The following FCRL6 variants were observed in gnomAD, a reference collection of about 807,000 sequenced individuals.
FCRL6 encodes Fc receptor-like protein 6.
Under a neutral mutation model 49.1 loss-of-function variants are expected in FCRL6, and 50 were observed. The ratio of observed to expected loss-of-function variants is 1.02; its 90% CI spans 0.81 to 1.29. The LOEUF is 1.29. Ranked by LOEUF, FCRL6 falls within the 50% of genes most tolerant of loss-of-function variation. The pLI, the probability that FCRL6 is intolerant of heterozygous loss-of-function variation, is 0.00. For synonymous variants in FCRL6, 213 were observed against 199.6 expected, an observed-to-expected ratio of 1.07 and a Z score of -0.57; for missense variants, 571 against 518.5, an observed-to-expected ratio of 1.10 and a Z score of -0.98.
At chr1:159,802,872 A>G (rs980420235) in intron 1 of FCRL6, among the ~76,000 whole-genome samples, 1 of 152,162 alleles carries the variant, frequency 6.6e-6, no homozygotes, top group African/African-American at 2.4e-5. Flanking sequence ...ATGAGGGGAA[A>G]CAGTCCCAGG....
intron 2 of FCRL6, among the ~76,000 whole-genome samples, chr1:159,806,822 G>T (rs1662723020): frequency 6.6e-6 from 1 of 152,264 alleles, no homozygotes; most frequent in African/African-American, 2.4e-5. Flanking sequence ...TAGTCCTAGG[G>T]TGACACAAGC....
At chr1:159,813,358 C>T (rs55650803) in intron 6 of FCRL6, 131 bp from the exon 7 acceptor site, 144,104 of 723,588 alleles carry the variant, frequency 0.2, 15,909 homozygotes, top group African/African-American at 0.37. Flanking sequence ...GACCTGTGAA[C>T]TAGCCCTCCT....
At chr1:159,810,336 G>A (rs958500112) in intron 6 of FCRL6, 120 bp downstream of exon 6, 53 of 1,249,258 alleles carry the variant, frequency 4.2e-5, no homozygotes, top group African/African-American at 2.0e-4. Context: ...TGGAGTGGCA[G>A]GGGGGACTTC....
intron 6 of FCRL6, among the ~76,000 whole-genome samples, chr1:159,812,803 G>A (rs563235037): frequency 2.0e-5 from 3 of 152,310 alleles, no homozygotes; most frequent in South Asian, 4.1e-4. Context: ...TGAACCAAGT[G>A]TTCTAAAATC....
At chr1:159,809,852 G>A (rs1223883888) in intron 5 of FCRL6, among the ~76,000 whole-genome samples, 169 bp downstream of exon 5, 2 of 152,108 alleles carry the variant, frequency 1.3e-5, no homozygotes, top group African/African-American at 2.4e-5. Flanking sequence ...GCCTGGCAGA[G>A]AAATATTGAA....
chr1:159,808,119 G>C, intron 2 of FCRL6, 59 bp from the exon 3 acceptor site: 1 of 1,558,968 alleles, frequency 6.4e-7, no homozygotes, highest in African/African-American at 1.4e-5. Context: ...GGGACAGAGG[G>C]AGAGAAGTGA....
chr1:159,807,215 G>C (rs1662751186), intron 2 of FCRL6, among the ~76,000 whole-genome samples: 2 of 152,250 alleles, frequency 1.3e-5, no homozygotes, highest in South Asian at 4.1e-4. Context: ...CGGTAATGCG[G>C]TGAGCATCGT....
rs1662963042 is a variant in FCRL6, at chr1:159,809,564, G to C, written c.767G>C (p.Gly256Ala). 1 of 1,614,096 alleles carries C rather than the reference G, an allele frequency of 6.2e-7. No individual in the cohort carries two copies. The highest frequency in any genetic ancestry group is 1.7e-5 in the Admixed American group (1 of 60,014). The change falls in exon 5 of 10, where the codon GGT (glycine) becomes GCT (alanine). Residue 256 changes from glycine (G) to alanine (A), a missense_variant. Transcript: ENST00000368106. ...GTGGGGAACCACTCAGCTCCCTGTG[G>C]TGGAACCACCTCCCTCCTCTTCCCA... is the stretch of plus-strand genomic sequence containing the variant. Reference protein sequence around the residue: ...KIVGNHSAPCGGTTSLLFPVK... With the variant: ...KIVGNHSAPCAGTTSLLFPVK...
chr1:159,815,728 G>C lies in FCRL6; in HGVS notation c.*67G>C, dbSNP rs61823164. The C allele has an allele frequency of 0.12, 186,783 of 1,581,630 alleles. 12,268 individuals carry two copies. The highest frequency in any genetic ancestry group is 0.14 in the Non-Finnish European group (157,288 of 1,158,288). ...CAGTGCTCCTCAGGAAGACAGTGGG[G>C]TCCTCAACTCTTTCTGTGGGTCCTT... On this transcript the variant is annotated 3_prime_UTR_variant, in exon 10 of 10. Transcript: ENST00000368106.
At chr1:159,810,778 T>C (rs1663046104) in intron 6 of FCRL6, among the ~76,000 whole-genome samples, 1 of 152,212 alleles carries the variant, frequency 6.6e-6, no homozygotes, top group African/African-American at 2.4e-5. Context: ...GACTGAGCAA[T>C]GGCCTGTTCC....
At chr1:159,809,310 G>A in intron 4 of FCRL6, 65 bp downstream of exon 4, 1 of 1,527,590 alleles carries the variant, frequency 6.5e-7, no homozygotes, top group South Asian at 1.3e-5. Context: ...GATCCCCTGG[G>A]ACTAAAGGAG....
intron 6 of FCRL6, among the ~76,000 whole-genome samples, chr1:159,811,553 T>G (rs1295213791): frequency 6.6e-6 from 1 of 152,214 alleles, no homozygotes; most frequent in African/African-American, 2.4e-5. Flanking sequence ...TGAAAAGGTC[T>G]CTTCCCACCC....
At chr1:159,813,377 C>T (rs913480894) in intron 6 of FCRL6, 112 bp from the exon 7 acceptor site, 17 of 903,200 alleles carry the variant, frequency 1.9e-5, no homozygotes, top group Admixed American at 5.5e-5. Context: ...CTAACCAAAC[C>T]AGCCTCAAAC....
In FCRL6 at chr1:159,815,589, A is replaced by C; in HGVS notation, c.1233A>C (p.Ser411=). Residue 411 remains serine (S), a synonymous_variant, in exon 10 of 10, where the codon TCA becomes TCC. Transcript: ENST00000368106. ...EVRCLQPSEV[S]STEVNMRSRT... is the part of the protein sequence containing the mutation. Reference sequence around the variant, plus strand: ...GATGCCTGCAGCCCAGTGAGGTTTCATCCACGGAGGTGAATATGAGAAGCA... The same window carrying C: ...GATGCCTGCAGCCCAGTGAGGTTTCCTCCACGGAGGTGAATATGAGAAGCA... 1 of 1,614,172 alleles carries C rather than the reference A, an allele frequency of 6.2e-7. No homozygotes were observed.
At chr1:159,812,567 T>G (rs1663151154) in intron 6 of FCRL6, among the ~76,000 whole-genome samples, 1 of 152,214 alleles carries the variant, frequency 6.6e-6, no homozygotes, top group Non-Finnish European at 1.5e-5. Flanking sequence ...AAAACAAAGT[T>G]CTGTCAAACT....
At chr1:159,803,753 G>A (rs1450606956) in intron 1 of FCRL6, among the ~76,000 whole-genome samples, 1 of 152,184 alleles carries the variant, frequency 6.6e-6, no homozygotes, top group African/African-American at 2.4e-5. Context: ...TCAGTGACCG[G>A]CTGACTGGTG....
At chr1:159,806,942 G>A (rs1286442993) in intron 2 of FCRL6, among the ~76,000 whole-genome samples, 1 of 152,258 alleles carries the variant, frequency 6.6e-6, no homozygotes, top group South Asian at 2.1e-4. Context: ...CAACAAGACT[G>A]GGACTCCCTT....
Position 159,809,629 on chromosome 1 carries a change from G to T in FCRL6, c.832G>T (p.Ala278Ser). The T allele has an allele frequency of 6.2e-7, 1 of 1,614,144 alleles. No homozygotes were observed. The highest frequency in any genetic ancestry group is 8.5e-7 in the Non-Finnish European group (1 of 1,180,018). The stretch of plus-strand genomic sequence containing the variant: ...GGATGCTGGGAACTACTCCTGCGAG[G>T]CTGAGAACAGTGTCTCCAGAGAGAG... ...EQDAGNYSCE[A>S]ENSVSRERSE... Residue 278 changes from alanine (A) to serine (S), a missense_variant, in exon 5 of 10, where the codon GCT (alanine) becomes TCT (serine). Physicochemically the swap from Ala to Ser is moderately conservative, Grantham distance 99. Transcript: ENST00000368106.
At position 159,813,571 on chromosome 1, in the gene FCRL6, G is replaced by T. The variant is rs368315973; in HGVS notation, c.1075+17G>T. 1.2e-6 allele frequency: 2 copies of T among 1,612,226 alleles called. No individual in the cohort carries two copies. The highest frequency in any genetic ancestry group is 4.5e-5 in the East Asian group (2 of 44,874). ...ATGCCAACGGTAAGGACTTCCAGCA[G>T]GATGGTGGTGTGCCCATGTGGGCCA... On this transcript the variant is annotated intron_variant, in intron 7 of 9. Coordinates refer to ENST00000368106, the MANE Select transcript of FCRL6 (RefSeq NM_001004310.3).
Sources: allele counts gnomAD v4.1 joint callset (sites outside exome capture counted in the v4.1 genomes callset), GRCh38; gene constraint gnomAD v4.1.1; transcripts MANE v1.5; gene names NCBI Gene and HGNC (gene_info 2026-07-23, HGNC 2026-07-21).